The following MAPKAP1 variants were observed in gnomAD, a reference collection of about 807,000 sequenced individuals.
The protein encoded by MAPKAP1 is target of rapamycin complex 2 subunit MAPKAP1.
Under a neutral mutation model 65.7 loss-of-function variants are expected in MAPKAP1, and 20 were observed. The ratio of observed to expected loss-of-function variants is 0.30; its 90% confidence interval spans 0.21 to 0.44. The LOEUF (loss-of-function observed/expected upper bound fraction) is 0.44. MAPKAP1 is among the 20% of genes least tolerant of loss of function. MAPKAP1 has a pLI of 1.00. For missense variants in MAPKAP1, 423 were observed against 648.0 expected (o/e 0.65, Z 3.77); for synonymous variants, 222 against 244.3 (o/e 0.91, Z 0.85).
intron 5 of MAPKAP1, among the ~76,000 whole-genome samples, chr9:125,578,172 C>T (rs1369728034): frequency 6.6e-6 from 1 of 152,196 alleles, no homozygotes; most frequent in African/African-American, 2.4e-5. Context: ...TGTGTCCACT[C>T]AGGGTTGAAT....
At chr9:125,459,882 A>G (rs1052473967) in intron 10 of MAPKAP1, among the ~76,000 whole-genome samples, 7 of 132,460 alleles carry the variant, frequency 5.3e-5, no homozygotes, top group African/African-American at 1.9e-4. Context: ...AGGGACGCAT[A>G]TGGAGTCTTA....
At chr9:125,686,500 C>G (rs989506880) in intron 1 of MAPKAP1, among the ~76,000 whole-genome samples, 1 of 152,158 alleles carries the variant, frequency 6.6e-6, no homozygotes, top group African/African-American at 2.4e-5. Context: ...CATGGCTGAA[C>G]TATATGAAGG....
chr9:125,697,590 A>G (rs1835423701), intron 1 of MAPKAP1, among the ~76,000 whole-genome samples: 1 of 152,196 alleles, frequency 6.6e-6, no homozygotes, highest in Non-Finnish European at 1.5e-5. Context: ...TGATTTCTCT[A>G]ATTTTTATTG....
intron 8 of MAPKAP1, among the ~76,000 whole-genome samples, chr9:125,485,487 G>A (rs371687659): frequency 6.6e-6 from 1 of 152,202 alleles, no homozygotes; most frequent in Admixed American, 6.5e-5. Flanking sequence ...AGGCAATCGG[G>A]GCAGCCCATA....
intron 4 of MAPKAP1, among the ~76,000 whole-genome samples, chr9:125,620,434 A>G (rs530646967): frequency 6.6e-6 from 1 of 152,378 alleles, no homozygotes; most frequent in African/African-American, 2.4e-5. Flanking sequence ...AGCAATCCCG[A>G]AGGAGACAAT....
chr9:125,683,051 G>A (rs1247697523), intron 1 of MAPKAP1, among the ~76,000 whole-genome samples: 1 of 151,664 alleles, frequency 6.6e-6, no homozygotes, highest in Non-Finnish European at 1.5e-5. Context: ...CGCCTCCCAG[G>A]TTCAAGCGAT....
At chr9:125,640,923 CT>C (rs974760904) in intron 4 of MAPKAP1, among the ~76,000 whole-genome samples, 5 of 152,178 alleles carry the variant, frequency 3.3e-5, no homozygotes, top group Non-Finnish European at 5.9e-5. Context: ...GGAAATATTT[CT>C]TTTAATACAT....
chr9:125,519,103 C>A lies in MAPKAP1; in HGVS notation c.959-12686G>T, dbSNP rs545239440. 3.7e-4 allele frequency among the ~76,000 whole-genome samples: 56 copies of A among 152,270 alleles called. 2 individuals carry two copies. In the South Asian group the frequency reaches 9.8e-3, roughly 27 times the overall value. Reference sequence around the variant, plus strand: ...CTAGGGAAGACTGTGGCCCCTGGAACCTCCTTGAGTCTCCTCTCACACCAT... The same window carrying A: ...CTAGGGAAGACTGTGGCCCCTGGAAACTCCTTGAGTCTCCTCTCACACCAT... On this transcript the variant is annotated intron_variant, in intron 7 of 11. Coordinates refer to ENST00000265960, the MANE Select transcript of MAPKAP1 (RefSeq NM_001006617.3).
chr9:125,534,700 G>A (rs1282174195), intron 7 of MAPKAP1, among the ~76,000 whole-genome samples: 1 of 152,126 alleles, frequency 6.6e-6, no homozygotes, highest in Non-Finnish European at 1.5e-5. Flanking sequence ...GATCCCCTCT[G>A]CCATCAGAAT....
At chr9:125,496,347 C>A (rs1345596824) in intron 8 of MAPKAP1, among the ~76,000 whole-genome samples, 1 of 152,194 alleles carries the variant, frequency 6.6e-6, no homozygotes, top group Non-Finnish European at 1.5e-5. Flanking sequence ...ACAGTGAACA[C>A]CTCCCCGCTA....
chr9:125,478,643 T>C (rs13291556), intron 9 of MAPKAP1, among the ~76,000 whole-genome samples: 43,075 of 152,072 alleles, frequency 0.28, 6,941 homozygotes, highest in Non-Finnish European at 0.37. Flanking sequence ...GGGTGAATTA[T>C]TAATGACACC....
rs1306426351 is a variant in MAPKAP1, at chr9:125,447,030, G to A, written c.1346-2432C>T. ...AGCATGTCAATTGTGGGCTGACAGA[G>A]GGGAGGCCTGTGGTTCATCTGCACA... On this transcript the variant is annotated intron_variant, in intron 10 of 11. Coordinates refer to ENST00000265960, the MANE Select transcript of MAPKAP1 (RefSeq NM_001006617.3). This position sits in a 1 kb window ranked among gnomAD's most constrained non-coding sequence, Gnocchi z 4.5. Among the ~76,000 whole-genome samples, 1 of 152,142 alleles carries A rather than the reference G, an allele frequency of 6.6e-6. No homozygotes were observed. Among genetic ancestry groups the A allele is most frequent in the African/African-American group, 2.4e-5 (1 of 41,402 alleles).
chr9:125,549,521 A>G (rs533563664), intron 6 of MAPKAP1, among the ~76,000 whole-genome samples: 8 of 152,166 alleles, frequency 5.3e-5, no homozygotes, highest in Admixed American at 5.2e-4. Context: ...CTGACCAAAA[A>G]TTTTTTTTAA....
intron 9 of MAPKAP1, among the ~76,000 whole-genome samples, chr9:125,483,959 T>A (rs567345477): frequency 6.6e-6 from 1 of 152,288 alleles, no homozygotes; most frequent in African/African-American, 2.4e-5. Flanking sequence ...AAAACAGAAA[T>A]TTAGCACATA....
At chr9:125,672,271 TA>T in intron 2 of MAPKAP1, 44 bp downstream of exon 2, 1 of 1,602,294 alleles carries the variant, frequency 6.2e-7, no homozygotes, top group Non-Finnish European at 8.5e-7. Flanking sequence ...TAAGACTGTT[TA>T]CTGATTTAAA....
At chr9:125,679,601 T>C (rs1441557640) in intron 1 of MAPKAP1, among the ~76,000 whole-genome samples, 1 of 152,158 alleles carries the variant, frequency 6.6e-6, no homozygotes, top group Non-Finnish European at 1.5e-5. Context: ...TAGTTACGTC[T>C]AAGGAATATT....
At chr9:125,542,452 T>C (rs1830282036) in intron 7 of MAPKAP1, among the ~76,000 whole-genome samples, 1 of 152,256 alleles carries the variant, frequency 6.6e-6, no homozygotes. Context: ...TTGAGCTATT[T>C]CTCAAGATGA....
At chr9:125,500,346 C>A (rs1828935302) in intron 8 of MAPKAP1, among the ~76,000 whole-genome samples, 1 of 150,828 alleles carries the variant, frequency 6.6e-6, no homozygotes, top group South Asian at 2.1e-4. Flanking sequence ...TGCCACCATC[C>A]CTGGCTTTTT....
At chr9:125,480,790 G>A (rs1326211072) in intron 9 of MAPKAP1, among the ~76,000 whole-genome samples, 1 of 151,624 alleles carries the variant, frequency 6.6e-6, no homozygotes, top group South Asian at 2.1e-4. Context: ...GGCTAACATG[G>A]TGAAACCCCG....
Sources: allele counts gnomAD v4.1 joint callset (sites outside exome capture counted in the v4.1 genomes callset), GRCh38; gene constraint gnomAD v4.1.1; non-coding constraint Gnocchi (gnomAD v3.1); transcripts MANE v1.5; gene names NCBI Gene and HGNC (gene_info 2026-07-23, HGNC 2026-07-21).